Variants in TNNT2 observed in about 807,000 individuals in gnomAD.
TNNT2 encodes the protein troponin T2, cardiac type.
In TNNT2, 34 loss-of-function variants were observed where a neutral mutation model predicts 62.4. The observed-to-expected ratio is 0.54, with a 90% CI of 0.41 to 0.72. The LOEUF (loss-of-function observed/expected upper bound fraction) is 0.72, where lower values mean the gene tolerates loss of function less well. Ranked by LOEUF, TNNT2 falls within the 30% of genes least tolerant of loss-of-function variation. TNNT2 has a pLI of 0.00. For synonymous variants in TNNT2, 123 were observed against 127.2 expected (o/e 0.97, Z 0.22); for missense variants, 275 against 381.9 (o/e 0.72, Z 2.33).
At chr1:201,366,810 G>A (rs574063159) in intron 8 of TNNT2, 28 bp downstream of exon 8, 27 of 1,613,914 alleles carry the variant, frequency 1.7e-5, no homozygotes, top group East Asian at 2.2e-5. Flanking sequence ...CTCTGCTCCC[G>A]GCTCTACCCA....
chr1:201,368,151 C>T lies in TNNT2; in HGVS notation c.163+11G>A, dbSNP rs1260081834. 1.2e-6 allele frequency: 2 copies of T among 1,614,074 alleles called. No individual in the cohort carries two copies. The highest frequency in any genetic ancestry group is 2.2e-5 in the South Asian group (2 of 91,078). ...CCCCTGAGGCCCCTGCACCCTCAAC[C>T]AGAGACTTACCTTCTGCCCTGGTCT... On this transcript the variant is annotated intron_variant, in intron 6 of 16. Coordinates refer to ENST00000656932, the MANE Select transcript of TNNT2 (RefSeq NM_001276345.2).
In TNNT2 at chr1:201,363,070, C is replaced by T. The variant is rs564931294; in HGVS notation, c.600+226G>A. On this transcript the variant is annotated intron_variant, in intron 12 of 16. Transcript: ENST00000656932. The stretch of plus-strand genomic sequence containing the variant: ...GGCATGGGGGGCACCATTGGTGCCC[C>T]AGGCTCTGCCTGTAGCCCCCTACCC... 11 of 981,464 alleles carry T rather than the reference C, an allele frequency of 1.1e-5. No homozygotes were observed. The African/African-American group carries it at 1.9e-4, about 17-fold the overall frequency. 60.8% of individuals were successfully genotyped at this position (981,464 alleles called of 1,614,324 possible).
Position 201,362,400 on chromosome 1 carries a change from C to T in TNNT2, c.601-6G>A, listed in dbSNP as rs760197357. On this transcript the variant is annotated splice_region_variant and splice_polypyrimidine_tract_variant and intron_variant, in intron 12 of 16. Transcript: ENST00000656932. The stretch of plus-strand genomic sequence containing the variant: ...TTGGTACCCACCTGGGCCTGCTAAA[C>T]CGGGAAACCATGAGAGAGAGGCCCA... The T allele has an allele frequency of 1.7e-5, 28 of 1,613,736 alleles. No homozygotes were observed. The highest frequency in any genetic ancestry group is 1.6e-4 in the Middle Eastern group (1 of 6,084).
At chr1:201,371,817 A>G (rs918084914) in intron 4 of TNNT2, among the ~76,000 whole-genome samples, 3 of 152,232 alleles carry the variant, frequency 2.0e-5, no homozygotes, top group African/African-American at 4.8e-5. Context: ...AGCAAATGGC[A>G]GACAGAAGAG....
intron 1 of TNNT2, chr1:201,375,057 A>T (rs183040092): frequency 7.9e-4 from 120 of 152,524 alleles, no homozygotes; most frequent in Middle Eastern, 6.8e-3. Flanking sequence ...AGAGGCACAT[A>T]GACAGTCCTG....
chr1:201,369,768 T>C lies in TNNT2; in HGVS notation c.97+48A>G, dbSNP rs10920184. 977,548 of 1,612,756 alleles carry C rather than the reference T, an allele frequency of 0.61. 300,508 individuals are homozygous for C. Among genetic ancestry groups the C allele is most frequent in the Admixed American group, 0.69 (41,151 of 59,998 alleles). ...GGCCCCTGGACAAGGAGGCTGCACTTGGGACAGCAGGCAGCAGAAAGCACC... is the reference window on the plus strand; with the variant it reads ...GGCCCCTGGACAAGGAGGCTGCACTCGGGACAGCAGGCAGCAGAAAGCACC... On this transcript the variant is annotated intron_variant, in intron 5 of 16. Coordinates refer to ENST00000656932, the MANE Select transcript of TNNT2 (RefSeq NM_001276345.2).
chr1:201,361,757 C>T (rs562837885), intron 14 of TNNT2, among the ~76,000 whole-genome samples, 156 bp downstream of exon 14: 1 of 152,348 alleles, frequency 6.6e-6, no homozygotes, highest in East Asian at 1.9e-4. Flanking sequence ...TTGGCCCGAC[C>T]TGCTGGGGCC....
intron 7 of TNNT2, chr1:201,367,554 C>T (rs1659885759): frequency 1.6e-6 from 1 of 644,474 alleles, no homozygotes. Context: ...TCCCCTCTCC[C>T]ACTGGGTGCC....
intron 2 of TNNT2, chr1:201,372,976 T>A: frequency 1.5e-6 from 1 of 664,450 alleles, no homozygotes; most frequent in South Asian, 1.5e-5. Context: ...AGGACACTGA[T>A]GACCCTGGAG....
intron 4 of TNNT2, 83 bp downstream of exon 4, chr1:201,371,944 T>C (rs570476961): frequency 2.6e-6 from 4 of 1,557,890 alleles, no homozygotes; most frequent in African/African-American, 1.4e-5. Flanking sequence ...CAGGGACAGA[T>C]GAGCTGCTTT....
intron 11 of TNNT2, chr1:201,364,029 G>A (rs911434671): frequency 4.4e-5 from 20 of 458,800 alleles, no homozygotes; most frequent in Middle Eastern, 1.3e-3. Flanking sequence ...TAGGATGACC[G>A]GCATGTGCCA....
chr1:201,365,480 C>A (rs1659493096), intron 9 of TNNT2, 130 bp downstream of exon 9: 2 of 1,247,296 alleles, frequency 1.6e-6, no homozygotes, highest in African/African-American at 1.5e-5. Context: ...GGATGGGCAC[C>A]CAGCCTGGCT....
intron 8 of TNNT2, chr1:201,366,417 C>T (rs1204278201): frequency 7.4e-6 from 8 of 1,086,584 alleles, no homozygotes; most frequent in African/African-American, 6.5e-5. Flanking sequence ...GGCACCAAGC[C>T]GTCCTGCCCT....
At chr1:201,365,136 A>C in intron 10 of TNNT2, 55 bp downstream of exon 10, 1 of 1,459,606 alleles carries the variant, frequency 6.9e-7, no homozygotes, top group Non-Finnish European at 9.6e-7. Flanking sequence ...CACAAAAGGG[A>C]TGGAGGACAG....
intron 8 of TNNT2, 143 bp from the exon 9 acceptor site, chr1:201,365,813 G>A (rs746399794): frequency 3.4e-5 from 52 of 1,534,230 alleles, no homozygotes; most frequent in East Asian, 7.4e-5. Flanking sequence ...TAACACTGAC[G>A]TCAACAATGG....
Position 201,362,402 on chromosome 1 carries a change from G to A in TNNT2, c.601-8C>T, listed in dbSNP as rs397516475. ...GGTACCCACCTGGGCCTGCTAAACCGGGAAACCATGAGAGAGAGGCCCATA... is the reference window on the plus strand; with the variant it reads ...GGTACCCACCTGGGCCTGCTAAACCAGGAAACCATGAGAGAGAGGCCCATA... On this transcript the variant is annotated splice_region_variant and splice_polypyrimidine_tract_variant and intron_variant, in intron 12 of 16. Coordinates refer to ENST00000656932, the MANE Select transcript of TNNT2 (RefSeq NM_001276345.2). 3.3e-5 allele frequency: 53 copies of A among 1,613,732 alleles called. No homozygotes were observed. The highest frequency in any genetic ancestry group is 2.9e-4 in the East Asian group (13 of 44,878).
Position 201,362,395 on chromosome 1 carries a change from C to T in TNNT2, c.601-1G>A, listed in dbSNP as rs483352835. 13 of 1,613,870 alleles carry T rather than the reference C, an allele frequency of 8.1e-6. No homozygotes were observed. The highest frequency in any genetic ancestry group is 5.5e-5 in the South Asian group (5 of 90,946). The stretch of plus-strand genomic sequence containing the variant: ...GGTTTTTGGTACCCACCTGGGCCTG[C>T]TAAACCGGGAAACCATGAGAGAGAG... On this transcript the variant is annotated splice_acceptor_variant, in intron 12 of 16. Transcript: ENST00000656932. LOFTEE classifies it high-confidence loss of function.
chr1:201,371,903 TG>T (rs1284089410), intron 4 of TNNT2, 123 bp downstream of exon 4: 1 of 1,322,664 alleles, frequency 7.6e-7, no homozygotes, highest in African/African-American at 1.4e-5. Flanking sequence ...GCACTGTTGT[TG>T]GAGGATCTTG....
At position 201,368,158 on chromosome 1, in the gene TNNT2, T is replaced by A; in HGVS notation, c.163+4A>T. The A allele has an allele frequency of 1.9e-6, 3 of 1,614,080 alleles. No individual in the cohort carries two copies. Among genetic ancestry groups the A allele is most frequent in the Non-Finnish European group, 2.5e-6 (3 of 1,179,998 alleles). ...GGCCCCTGCACCCTCAACCAGAGAC[T>A]TACCTTCTGCCCTGGTCTCCTCGGT... On this transcript the variant is annotated splice_donor_region_variant and intron_variant, in intron 6 of 16. Transcript: ENST00000656932.
Sources: gnomAD v4.1 joint callset for allele counts (sites outside exome capture counted in the v4.1 genomes callset) on GRCh38, gnomAD v4.1.1 for gene constraint, MANE v1.5 for transcripts, NCBI Gene and HGNC (gene_info 2026-07-23, HGNC 2026-07-21) for gene names.